MYO16: variants seen among roughly 807,000 people sequenced by gnomAD.
MYO16 encodes the protein unconventional myosin-XVI.
Under a neutral mutation model 205.3 loss-of-function variants are expected in MYO16, and 94 were observed. The ratio of observed to expected loss-of-function variants is 0.46; its 90% CI spans 0.39 to 0.54. The LOEUF (loss-of-function observed/expected upper bound fraction) is 0.54. Ranked by LOEUF, MYO16 falls within the 20% of genes least tolerant of loss-of-function variation. The pLI is 0.00. For synonymous variants in MYO16, 988 were observed against 954.0 expected, an observed-to-expected ratio of 1.04 and a Z score of -0.66; for missense variants, 2,315 against 2,387.5, an observed-to-expected ratio of 0.97 and a Z score of 0.63.
chr13:108,612,276 T>A (rs925987006), intron 1 of MYO16, among the ~76,000 whole-genome samples: 2 of 152,038 alleles, frequency 1.3e-5, no homozygotes. Flanking sequence ...AGGAAAGGAA[T>A]CCTTAACAAG....
chr13:108,962,940 T>G (rs1434787418), intron 19 of MYO16, among the ~76,000 whole-genome samples: 2 of 152,262 alleles, frequency 1.3e-5, no homozygotes, highest in Non-Finnish European at 2.9e-5. Context: ...CACAGATTGC[T>G]CTGATGTGGG....
At chr13:108,950,937 G>A (rs563465735) in intron 16 of MYO16, among the ~76,000 whole-genome samples, 1 of 152,172 alleles carries the variant, frequency 6.6e-6, no homozygotes, top group Non-Finnish European at 1.5e-5. Flanking sequence ...TCATAGTTTG[G>A]TAGAGCTTCT....
chr13:108,605,967 G>C (rs190819812), intron 1 of MYO16, among the ~76,000 whole-genome samples: 2 of 152,188 alleles, frequency 1.3e-5, no homozygotes, highest in Non-Finnish European at 2.9e-5. Context: ...TGAAGTCCAG[G>C]CTGAGGTAGT....
intron 12 of MYO16, among the ~76,000 whole-genome samples, chr13:108,875,331 G>C (rs993540272): frequency 6.6e-6 from 1 of 152,106 alleles, no homozygotes; most frequent in Non-Finnish European, 1.5e-5. Context: ...TATGAGAAGG[G>C]TAACCAATAA....
In MYO16 at chr13:108,980,281, G is replaced by T. The variant is rs145921116; in HGVS notation, c.2370-12095G>T. 2.5e-4 allele frequency among the ~76,000 whole-genome samples: 38 copies of T among 152,280 alleles called. No homozygotes were observed. In the Middle Eastern group the frequency reaches 0.014, roughly 55 times the overall value. On this transcript the variant is annotated intron_variant, in intron 20 of 34. Coordinates refer to ENST00000457511, the MANE Select transcript of MYO16 (RefSeq NM_001198950.3). ...TCTTTCTTGAGCCAAGAGTGCAGAG[G>T]CTAAAGCTTGTATATTTTATATAAA... is the stretch of plus-strand genomic sequence containing the variant.
At chr13:109,026,106 C>T (rs1886352751) in intron 23 of MYO16, among the ~76,000 whole-genome samples, 1 of 152,172 alleles carries the variant, frequency 6.6e-6, no homozygotes, top group Non-Finnish European at 1.5e-5. Flanking sequence ...ATGATGCATC[C>T]CTGTTTCAGC....
intron 3 of MYO16, among the ~76,000 whole-genome samples, chr13:108,722,874 T>A (rs1235321649): frequency 6.8e-6 from 1 of 147,298 alleles, no homozygotes; most frequent in Non-Finnish European, 1.5e-5. Flanking sequence ...TAGTGACAGT[T>A]TTTTTATTGC....
At chr13:108,899,378 A>G (rs1880596888) in intron 15 of MYO16, among the ~76,000 whole-genome samples, 1 of 151,884 alleles carries the variant, frequency 6.6e-6, no homozygotes, top group Non-Finnish European at 1.5e-5. Flanking sequence ...AGCAGATATC[A>G]CACCATTGCA....
At chr13:108,720,918 C>A (rs772276818) in intron 3 of MYO16, among the ~76,000 whole-genome samples, 37 of 151,896 alleles carry the variant, frequency 2.4e-4, no homozygotes, top group Non-Finnish European at 4.6e-4. Flanking sequence ...TGATAGATTT[C>A]AGGGTCATTC....
At chr13:108,580,195 C>T in the MYO16 span, among the ~76,000 whole-genome samples, 1 of 152,126 alleles carries the variant, frequency 6.6e-6, no homozygotes, top group Non-Finnish European at 1.5e-5. Context: ...TATACTGCAT[C>T]CCTGGATAAA....
At chr13:108,647,043 G>T (rs1300550236) in intron 1 of MYO16, among the ~76,000 whole-genome samples, 1 of 151,908 alleles carries the variant, frequency 6.6e-6, no homozygotes, top group Non-Finnish European at 1.5e-5. Context: ...GCATATATTT[G>T]CCCCTCTTCT....
At chr13:108,978,463 TC>T (rs551491352) in intron 20 of MYO16, among the ~76,000 whole-genome samples, 18 of 152,194 alleles carry the variant, frequency 1.2e-4, no homozygotes, top group Non-Finnish European at 2.1e-4. Flanking sequence ...CTAATGGTTT[TC>T]TTTCTTTATT....
intron 14 of MYO16, among the ~76,000 whole-genome samples, chr13:108,893,556 A>G (rs903920151): frequency 2.6e-5 from 4 of 152,220 alleles, no homozygotes; most frequent in Non-Finnish European, 5.9e-5. Flanking sequence ...TGAGTAGAAA[A>G]GAACATCCTT....
intron 4 of MYO16, chr13:108,779,960 T>C (rs948936507): frequency 1.5e-4 from 23 of 152,316 alleles, no homozygotes; most frequent in African/African-American, 4.3e-4. Flanking sequence ...AAATCATTTA[T>C]TTCATTTTCA....
rs180722259 is a variant in MYO16, at chr13:108,884,576, G to A, written c.1553+1390G>A. ...TTCTAGGCTCAAGGATGAGAAAGAC[G>A]CCGAGACAGGGGCTCTCACCCATTC... On this transcript the variant is annotated intron_variant, in intron 13 of 34. Coordinates refer to ENST00000457511, the MANE Select transcript of MYO16 (RefSeq NM_001198950.3). Among the ~76,000 whole-genome samples the A allele has an allele frequency of 1.7e-3, 254 of 151,940 alleles. 5 individuals are homozygous for A. The highest frequency in any genetic ancestry group is 5.8e-3 in the Admixed American group (88 of 15,260).
At chr13:108,886,217 G>C (rs1478842980) in intron 13 of MYO16, among the ~76,000 whole-genome samples, 1 of 152,122 alleles carries the variant, frequency 6.6e-6, no homozygotes, top group Non-Finnish European at 1.5e-5. Flanking sequence ...TCGATCTCCT[G>C]ACCTTGTGAT....
Position 108,694,843 on chromosome 13 carries a change from T to C in MYO16, c.293-17818T>C, listed in dbSNP as rs149883259. ...GAGTATTAGAGTTGGCCAGGTGCCA[T>C]GGCTTACACCTATAATCCCAGCACT... On this transcript the variant is annotated intron_variant, in intron 2 of 34. Transcript: ENST00000457511. Among the ~76,000 whole-genome samples, 18 of 152,332 alleles carry C rather than the reference T, an allele frequency of 1.2e-4. No individual in the cohort carries two copies. The East Asian group carries it at 3.3e-3, about 28-fold the overall frequency.
chr13:108,768,729 A>G (rs1410485768), intron 4 of MYO16, among the ~76,000 whole-genome samples: 1 of 152,170 alleles, frequency 6.6e-6, no homozygotes, highest in East Asian at 1.9e-4. Context: ...AGGAAAACAT[A>G]ATGAAAATGA....
rs113495936 is a variant in MYO16, at chr13:109,127,717, T to C, written c.4051+167T>C. 1.4e-6 allele frequency: 1 copy of C among 690,210 alleles called. No homozygotes were observed. The highest frequency in any genetic ancestry group is 2.3e-6 in the Non-Finnish European group (1 of 434,254). 42.8% of individuals were successfully genotyped at this position (690,210 alleles called of 1,614,324 possible). A position where few individuals can be genotyped will look rare whatever the true frequency, so the allele number is the denominator to read the frequency against. On this transcript the variant is annotated intron_variant, in intron 31 of 34. Coordinates refer to ENST00000457511, the MANE Select transcript of MYO16 (RefSeq NM_001198950.3). This position sits in a 1 kb window ranked among gnomAD's most constrained non-coding sequence, Gnocchi z 4.2. Reference sequence around the variant, plus strand: ...AATCATTAAATATAAATAATATTTATTCAAATCTCTAAGCCTCTTAGGGAA... The same window carrying C: ...AATCATTAAATATAAATAATATTTACTCAAATCTCTAAGCCTCTTAGGGAA...
Sources: gnomAD v4.1 joint callset for allele counts (sites outside exome capture counted in the v4.1 genomes callset) on GRCh38, gnomAD v4.1.1 for gene constraint, Gnocchi (gnomAD v3.1) non-coding constraint, MANE v1.5 for transcripts, NCBI Gene and HGNC (gene_info 2026-07-23, HGNC 2026-07-21) for gene names.